GPC5: variants seen among roughly 807,000 people sequenced by gnomAD.
The protein encoded by GPC5 is glypican 5, also known as glypican-5.
GPC5 carries 47 observed loss-of-function variants against 53.9 expected under a neutral mutation model. The ratio of observed to expected loss-of-function variants is 0.87; its 90% CI spans 0.69 to 1.11. The LOEUF (loss-of-function observed/expected upper bound fraction) is 1.11, where lower values mean the gene tolerates loss of function less well. GPC5 is among the 50% of genes most tolerant of loss of function. The probability of loss-of-function intolerance (pLI) is 0.00; values close to 1 mark genes in which losing one functional copy is unlikely to be tolerated. For synonymous variants in GPC5, 286 were observed against 263.3 expected, an observed-to-expected ratio of 1.09 and a Z score of -0.84; for missense variants, 748 against 713.1, an observed-to-expected ratio of 1.05 and a Z score of -0.56.
intron 7 of GPC5, among the ~76,000 whole-genome samples, chr13:92,383,705 C>T (rs1475141395): frequency 6.6e-6 from 1 of 152,116 alleles, no homozygotes; most frequent in Non-Finnish European, 1.5e-5. Context: ...TCAGCAAAGC[C>T]TGCTTTCAAG....
At chr13:91,518,762 C>T (rs529017391) in intron 2 of GPC5, among the ~76,000 whole-genome samples, 13 of 152,226 alleles carry the variant, frequency 8.5e-5, no homozygotes, top group East Asian at 3.9e-4. Context: ...ACAGTGTTAG[C>T]CAGGATGGAC....
At chr13:91,426,895 C>G (rs894279383) in intron 1 of GPC5, among the ~76,000 whole-genome samples, 1 of 152,156 alleles carries the variant, frequency 6.6e-6, no homozygotes, top group Admixed American at 6.5e-5. Context: ...CAAGTTGCCA[C>G]TAAATATTAA....
At chr13:92,377,180 C>A (rs2043702299) in intron 7 of GPC5, among the ~76,000 whole-genome samples, 1 of 152,146 alleles carries the variant, frequency 6.6e-6, no homozygotes. Flanking sequence ...TCATATTTTG[C>A]CTACGCTTGC....
chr13:91,644,418 T>C (rs543473747), intron 2 of GPC5, among the ~76,000 whole-genome samples: 111 of 152,338 alleles, frequency 7.3e-4, no homozygotes, highest in African/African-American at 2.4e-3. Flanking sequence ...GAAACTAGTA[T>C]ATTTTGTCAG....
chr13:92,122,581 G>A (rs1243037826), intron 6 of GPC5, among the ~76,000 whole-genome samples: 2 of 151,410 alleles, frequency 1.3e-5, no homozygotes, highest in Non-Finnish European at 2.9e-5. Flanking sequence ...CCCTGTAAAT[G>A]AGGCCTTGTA....
chr13:92,112,811 A>G (rs1258096321), intron 6 of GPC5, among the ~76,000 whole-genome samples: 2 of 152,112 alleles, frequency 1.3e-5, no homozygotes, highest in African/African-American at 4.8e-5. Context: ...CAGTAGGGAA[A>G]TGTTTTATAT....
intron 6 of GPC5, among the ~76,000 whole-genome samples, chr13:92,015,995 G>C (rs1192088672): frequency 6.6e-6 from 1 of 152,176 alleles, no homozygotes; most frequent in East Asian, 1.9e-4. Context: ...GCAGTGCAGG[G>C]AAATAAGTGG....
chr13:92,720,840 T>G (rs1432630077), intron 7 of GPC5, among the ~76,000 whole-genome samples: 1 of 152,076 alleles, frequency 6.6e-6, no homozygotes, highest in African/African-American at 2.4e-5. Flanking sequence ...GTTTTTGCAA[T>G]AAAATCAAGA....
intron 1 of GPC5, among the ~76,000 whole-genome samples, chr13:91,447,709 C>T (rs978140844): frequency 6.6e-6 from 1 of 152,078 alleles, no homozygotes; most frequent in Admixed American, 6.5e-5. Context: ...TGTGCATGCA[C>T]CTATTTTACT....
At chr13:92,272,285 G>T (rs2042845181) in intron 7 of GPC5, among the ~76,000 whole-genome samples, 1 of 152,154 alleles carries the variant, frequency 6.6e-6, no homozygotes, top group Admixed American at 6.5e-5. Context: ...CAGGAAAGAA[G>T]GGAAAGTCAC....
intron 7 of GPC5, among the ~76,000 whole-genome samples, chr13:92,238,379 C>A (rs950698873): frequency 6.6e-6 from 1 of 151,938 alleles, no homozygotes; most frequent in African/African-American, 2.4e-5. Flanking sequence ...ATTTTCTATC[C>A]TTTTGATTAT....
chr13:92,164,864 A>C (rs564843216), intron 7 of GPC5, among the ~76,000 whole-genome samples: 4 of 152,286 alleles, frequency 2.6e-5, no homozygotes, highest in Non-Finnish European at 4.4e-5. Flanking sequence ...GAGGTTCCCA[A>C]ACTTAATTTC....
At chr13:92,631,421 G>A (rs1271966639) in intron 7 of GPC5, among the ~76,000 whole-genome samples, 2 of 152,030 alleles carry the variant, frequency 1.3e-5, no homozygotes, top group African/African-American at 2.4e-5. Context: ...AGGTTAACAT[G>A]CTAGCTATGT....
rs939825025 is a variant in GPC5, at chr13:92,569,682, C to A, written c.1562-296600C>A. On this transcript the variant is annotated intron_variant, in intron 7 of 7. Coordinates refer to ENST00000377067, the MANE Select transcript of GPC5 (RefSeq NM_004466.6). ...TCCCCTAACAAAGCAAAAGTAAATT[C>A]TGTTTTGCAAGTCTAGTGCACCAGG... 1.4e-4 allele frequency among the ~76,000 whole-genome samples: 22 copies of A among 152,230 alleles called. 1 individual carries two copies. Among genetic ancestry groups the A allele is most frequent in the African/African-American group, 5.3e-4 (22 of 41,560 alleles).
intron 2 of GPC5, among the ~76,000 whole-genome samples, chr13:91,538,017 T>A (rs1886667083): frequency 6.6e-6 from 1 of 152,242 alleles, no homozygotes; most frequent in Non-Finnish European, 1.5e-5. Flanking sequence ...AAATGTGGTT[T>A]ATGCATACAA....
chr13:92,323,131 A>G (rs978976160), intron 7 of GPC5, among the ~76,000 whole-genome samples: 3 of 151,524 alleles, frequency 2.0e-5, no homozygotes, highest in Non-Finnish European at 2.9e-5. Flanking sequence ...AAAAAAAATA[A>G]GTCTATGAAA....
At chr13:92,412,135 C>CTCTTTTGACAT in intron 7 of GPC5, among the ~76,000 whole-genome samples, 1 of 152,284 alleles carries the variant, frequency 6.6e-6, no homozygotes, top group East Asian at 1.9e-4. Context: ...CATCTTTGAT[C>CTCTTTTGACAT]CTCTGTGTCT....
chr13:92,685,546 T>TTTTTTTTTTTTAA lies in GPC5; in HGVS notation c.1562-180725_1562-180724insAATTTTTTTTTTT, dbSNP rs1555302901. ...GTTATTTATGAAAAATTATGCTCAT[T>TTTTTTTTTTTTAA]TTTTTTTTTTTTAATTTTTTTTTTT... On this transcript the variant is annotated intron_variant, in intron 7 of 7. Coordinates refer to ENST00000377067, the MANE Select transcript of GPC5 (RefSeq NM_004466.6). Among the ~76,000 whole-genome samples, 600 of 93,638 alleles carry TTTTTTTTTTTTAA rather than the reference T, an allele frequency of 6.4e-3. 2 individuals are homozygous for TTTTTTTTTTTTAA. Among genetic ancestry groups the TTTTTTTTTTTTAA allele is most frequent in the Non-Finnish European group, 8.9e-3 (429 of 48,234 alleles). The allele number at this position is 93,638 out of a possible 152,430, so 61.4% of individuals were successfully genotyped here.
At chr13:92,469,373 G>C (rs1878824648) in intron 7 of GPC5, among the ~76,000 whole-genome samples, 2 of 151,978 alleles carry the variant, frequency 1.3e-5, no homozygotes, top group South Asian at 4.1e-4. Context: ...ATCATTATTA[G>C]AGTGTTTTCT....
Sources: allele counts gnomAD v4.1 joint callset (sites outside exome capture counted in the v4.1 genomes callset), GRCh38; gene constraint gnomAD v4.1.1; transcripts MANE v1.5; gene names NCBI Gene and HGNC (gene_info 2026-07-23, HGNC 2026-07-21).